FUT5: variants seen among roughly 807,000 people sequenced by gnomAD.
FUT5 encodes the protein fucosyltransferase 5.
FUT5 carries 1 observed loss-of-function variant against 0.8 expected under a neutral mutation model. The ratio of observed to expected loss-of-function variants is 1.26; its 90% confidence interval spans 0.45 to 5.99. FUT5 has a LOEUF of 5.99. FUT5 is among the 30% of genes most tolerant of loss of function. The probability of loss-of-function intolerance (pLI) is 0.15; values close to 1 mark genes in which losing one functional copy is unlikely to be tolerated. For missense variants in FUT5, 437 were observed against 517.8 expected, an observed-to-expected ratio of 0.84 and a Z score of 1.51; for synonymous variants, 212 against 225.7, an observed-to-expected ratio of 0.94 and a Z score of 0.54.
Position 5,866,546 on chromosome 19 carries a change from T to G in FUT5, c.*55A>C. ...ATCCCCCGACTAGTGAGACCCTAGG[T>G]AGGTGAGGCCCTGGGAAAGTGAGGT... On this transcript the variant is annotated 3_prime_UTR_variant, in exon 2 of 2. Coordinates refer to ENST00000588525, the MANE Select transcript of FUT5 (RefSeq NM_002034.2). The surrounding 1 kb of genome is among the most constrained non-coding windows in gnomAD (Gnocchi z 4.9). The G allele has an allele frequency of 6.2e-7, 1 of 1,611,660 alleles. No homozygotes were observed. Among genetic ancestry groups the G allele is most frequent in the Non-Finnish European group, 8.5e-7 (1 of 1,179,358 alleles).
At position 5,866,458 on chromosome 19, in the gene FUT5, GCCCCAGGCAGGTGAGA is replaced by G. The variant is rs1049748140; in HGVS notation, c.*127_*142del. 27 of 1,303,800 alleles carry G rather than the reference GCCCCAGGCAGGTGAGA, an allele frequency of 2.1e-5. No individual in the cohort carries two copies. Among genetic ancestry groups the G allele is most frequent in the African/African-American group, 1.4e-4 (10 of 69,044 alleles). The allele number at this position is 1,303,800 out of a possible 1,614,324, so 80.8% of individuals were successfully genotyped here. ...GCCACCAAAGACTCCAGCAGGTGAGGCCCCAGGCAGGTGAGACCCCAGGCAGCCGAGGCCCCAGGCA... is the reference window on the plus strand; with the variant it reads ...GCCACCAAAGACTCCAGCAGGTGAGGCCCCAGGCAGCCGAGGCCCCAGGCA... On this transcript the variant is annotated 3_prime_UTR_variant, in exon 2 of 2. Transcript: ENST00000588525. This position sits in a 1 kb window ranked among gnomAD's most constrained non-coding sequence, Gnocchi z 4.9.
In FUT5 at chr19:5,867,028, T is replaced by C; in HGVS notation, c.698A>G (p.Asp233Gly). The C allele has an allele frequency of 3.1e-6, 5 of 1,613,492 alleles. No homozygotes were observed. Among genetic ancestry groups the C allele is most frequent in the Non-Finnish European group, 4.2e-6 (5 of 1,179,804 alleles). Reference sequence around the variant, plus strand: ...GGGCTTGTGGGAGCGTCCGTACACGTCCACCTTGAGATGAGCCTGCAGGCT... The same window carrying C: ...GGGCTTGTGGGAGCGTCCGTACACGCCCACCTTGAGATGAGCCTGCAGGCT... ...YQSLQAHLKV[D>G]VYGRSHKPLP... is the part of the protein sequence containing the mutation. The change falls in exon 2 of 2, where the codon GAC (aspartate) becomes GGC (glycine). Residue 233 changes from aspartate to glycine, a missense_variant. Physicochemically the swap from Asp to Gly is moderately conservative, Grantham distance 94. Transcript: ENST00000588525. The surrounding 1 kb of genome is among the most constrained non-coding windows in gnomAD (Gnocchi z 5.0).
chr19:5,868,961 C>T (rs1296992732), intron 1 of FUT5, among the ~76,000 whole-genome samples: 1 of 152,128 alleles, frequency 6.6e-6, no homozygotes, highest in Non-Finnish European at 1.5e-5. Context: ...GCTGGGATTA[C>T]AGGCAAGCGC....
intron 1 of FUT5, among the ~76,000 whole-genome samples, chr19:5,869,671 C>G (rs905363093): frequency 2.6e-5 from 4 of 152,018 alleles, no homozygotes; most frequent in Admixed American, 1.3e-4. Context: ...AATTTCCATA[C>G]GATTGTTATT....
chr19:5,868,359 G>A (rs2057512846), intron 1 of FUT5, among the ~76,000 whole-genome samples: 1 of 152,136 alleles, frequency 6.6e-6, no homozygotes, highest in Non-Finnish European at 1.5e-5. Flanking sequence ...AGGGCCCTCA[G>A]AGTGTAGGCA....
In FUT5 at chr19:5,867,821, AT is replaced by A; in HGVS notation, c.-12-85del. The A allele has an allele frequency of 7.1e-7, 1 of 1,416,422 alleles. No individual in the cohort carries two copies. The highest frequency in any genetic ancestry group is 9.9e-7 in the Non-Finnish European group (1 of 1,007,328). The allele number at this position is 1,416,422 out of a possible 1,614,324, so 87.7% of individuals were successfully genotyped here. A position where few individuals can be genotyped will look rare whatever the true frequency, so the allele number is the denominator to read the frequency against. On this transcript the variant is annotated intron_variant, in intron 1 of 1. Coordinates refer to ENST00000588525, the MANE Select transcript of FUT5 (RefSeq NM_002034.2). The surrounding 1 kb of genome is among the most constrained non-coding windows in gnomAD (Gnocchi z 5.0). ...ACGTGTCCTGAGAGAAGCTGTTATA[AT>A]TTATGACACAGCTTGTCATAAATGC...
Position 5,867,558 on chromosome 19 carries a change from G to A in FUT5, c.168C>T (p.Thr56=), listed in dbSNP as rs138074178. The change falls in exon 2 of 2, where the codon ACC becomes ACT. Residue 56 remains threonine (T), a synonymous_variant. Coordinates refer to ENST00000588525, the MANE Select transcript of FUT5 (RefSeq NM_002034.2). This position sits in a 1 kb window ranked among gnomAD's most constrained non-coding sequence, Gnocchi z 5.0. ...GGCAGCGGGACCCATTGGGAGCCCC[G>A]GTGACAGGTTCCACTGCCATAAGCC... ...RPGLMAVEPV[T]GAPNGSRCQD... is the part of the protein sequence containing the mutation. The A allele has an allele frequency of 8.5e-5, 137 of 1,613,510 alleles. No individual in the cohort carries two copies. The East Asian group carries it at 2.0e-3, about 24-fold the overall frequency.
At chr19:5,868,600 C>T (rs1365671609) in intron 1 of FUT5, among the ~76,000 whole-genome samples, 1 of 152,116 alleles carries the variant, frequency 6.6e-6, no homozygotes, top group Non-Finnish European at 1.5e-5. Context: ...TTTGGGAGGC[C>T]AAGGCGGGCA....
Position 5,867,094 on chromosome 19 carries a change from G to C in FUT5, c.632C>G (p.Ser211Cys). The part of the protein sequence containing the change: ...AKTELVAWAV[S>C]NWKPDSARVR... ...CCTGGCCGAGTCCGGCTTCCAGTTG[G>C]ACACCGCCCAGGCCACCAGCTCGGT... Residue 211 changes from serine (S) to cysteine (C), a missense_variant, in exon 2 of 2, where the codon TCC (serine) becomes TGC (cysteine). Coordinates refer to ENST00000588525, the MANE Select transcript of FUT5 (RefSeq NM_002034.2). The surrounding 1 kb of genome is among the most constrained non-coding windows in gnomAD (Gnocchi z 5.0). 1.2e-6 allele frequency: 2 copies of C among 1,613,426 alleles called. No individual in the cohort carries two copies. The highest frequency in any genetic ancestry group is 1.7e-6 in the Non-Finnish European group (2 of 1,179,914).
Position 5,865,861 on chromosome 19 carries a change from C to T in FUT5, c.*740G>A, listed in dbSNP as rs2057501043. ...AACAGCATTATCTGTTTGCACCCCTCATGGGTGGTTAACAACAGCAATAAA... is the reference window on the plus strand; with the variant it reads ...AACAGCATTATCTGTTTGCACCCCTTATGGGTGGTTAACAACAGCAATAAA... On this transcript the variant is annotated 3_prime_UTR_variant, in exon 2 of 2. Transcript: ENST00000588525. 6.3e-6 allele frequency: 1 copy of T among 158,988 alleles called. No homozygotes were observed. Among genetic ancestry groups the T allele is most frequent in the African/African-American group, 2.4e-5 (1 of 41,490 alleles). The allele number at this position is 158,988 out of a possible 1,614,324, so 9.8% of individuals were successfully genotyped here. A position where few individuals can be genotyped will look rare whatever the true frequency, so the allele number is the denominator to read the frequency against.
At position 5,867,696 on chromosome 19, in the gene FUT5, CTG is replaced by C. The variant is rs1171522714; in HGVS notation, c.28_29del (p.Gln10ValfsTer36). On this transcript the variant is annotated frameshift_variant, in exon 2 of 2. Coordinates refer to ENST00000588525, the MANE Select transcript of FUT5 (RefSeq NM_002034.2). LOFTEE classifies it low-confidence loss of function (END_TRUNC). The surrounding 1 kb of genome is among the most constrained non-coding windows in gnomAD (Gnocchi z 5.0). ...CGGCCAGACAGCGGCGCCACAGCCA[CTG>C]TGGCTTGGCTGGGCCCAGGGGATCC... is the stretch of plus-strand genomic sequence containing the variant. MDPLGPAKP[Q>X]WLWRRCLAGL... The C allele has an allele frequency of 6.2e-7, 1 of 1,613,354 alleles. No homozygotes were observed.
Position 5,867,827 on chromosome 19 carries a change from G to A in FUT5, c.-12-90C>T. 1 of 1,372,212 alleles carries A rather than the reference G, an allele frequency of 7.3e-7. No homozygotes were observed. Among genetic ancestry groups the A allele is most frequent in the Non-Finnish European group, 1.0e-6 (1 of 970,566 alleles). The allele number at this position is 1,372,212 out of a possible 1,614,324, so 85.0% of individuals were successfully genotyped here. ...CCTGAGAGAAGCTGTTATAATTTATGACACAGCTTGTCATAAATGCCCCCA... is the reference window on the plus strand; with the variant it reads ...CCTGAGAGAAGCTGTTATAATTTATAACACAGCTTGTCATAAATGCCCCCA... On this transcript the variant is annotated intron_variant, in intron 1 of 1. Transcript: ENST00000588525. This position sits in a 1 kb window ranked among gnomAD's most constrained non-coding sequence, Gnocchi z 5.0.
At position 5,866,292 on chromosome 19, in the gene FUT5, G is replaced by C; in HGVS notation, c.*309C>G. 1 of 519,846 alleles carries C rather than the reference G, an allele frequency of 1.9e-6. No homozygotes were observed. 32.2% of individuals were successfully genotyped at this position (519,846 alleles called of 1,614,324 possible). A position where few individuals can be genotyped will look rare whatever the true frequency, so the allele number is the denominator to read the frequency against. ...CCAGCAGGTAAAGTCCCCAACAGCC[G>C]AGATCCTCAGTAGGTGCAGCCTCCA... On this transcript the variant is annotated 3_prime_UTR_variant, in exon 2 of 2. Coordinates refer to ENST00000588525, the MANE Select transcript of FUT5 (RefSeq NM_002034.2). The surrounding 1 kb of genome is among the most constrained non-coding windows in gnomAD (Gnocchi z 4.9).
chr19:5,867,040 T>A lies in FUT5; in HGVS notation c.686A>T (p.His229Leu). Residue 229 changes from histidine (H) to leucine (L), a missense_variant, in exon 2 of 2, where the codon CAT (histidine) becomes CTT (leucine). By Grantham distance (99) the His-to-Leu change is moderately conservative (BLOSUM62 -3). This residue lies in a region of FUT5 where 176 missense variants were observed against 275.2 expected (regional missense o/e 0.64). Coordinates refer to ENST00000588525, the MANE Select transcript of FUT5 (RefSeq NM_002034.2). The surrounding 1 kb of genome is among the most constrained non-coding windows in gnomAD (Gnocchi z 5.0). ...RVRYYQSLQA[H>L]LKVDVYGRSH... Reference sequence around the variant, plus strand: ...GCGTCCGTACACGTCCACCTTGAGATGAGCCTGCAGGCTCTGGTAGTAGCG... The same window carrying A: ...GCGTCCGTACACGTCCACCTTGAGAAGAGCCTGCAGGCTCTGGTAGTAGCG... 6.2e-7 allele frequency: 1 copy of A among 1,613,530 alleles called. No individual in the cohort carries two copies. Among genetic ancestry groups the A allele is most frequent in the East Asian group, 2.2e-5 (1 of 44,822 alleles).
intron 1 of FUT5, among the ~76,000 whole-genome samples, chr19:5,868,560 C>T (rs1048659024): frequency 1.3e-4 from 20 of 152,136 alleles, no homozygotes; most frequent in African/African-American, 4.6e-4. Flanking sequence ...ATAGGCCAGG[C>T]GTGAGGGCTC....
Position 5,868,719 on chromosome 19 carries a change from C to T in FUT5, c.-12-982G>A, listed in dbSNP as rs1232949874. On this transcript the variant is annotated intron_variant, in intron 1 of 1. Transcript: ENST00000588525. ...GATGTGGTGGTGGTGCCTGTAATCC[C>T]AGCTACTTGGGAGGCTGAGGCAGGA... is the stretch of plus-strand genomic sequence containing the variant. Among the ~76,000 whole-genome samples the T allele has an allele frequency of 2.0e-5, 3 of 152,164 alleles. No individual in the cohort carries two copies. In the East Asian group the frequency reaches 5.8e-4, roughly 29 times the overall value.
At position 5,867,179 on chromosome 19, in the gene FUT5, C is replaced by T. The variant is rs62625020; in HGVS notation, c.547G>A (p.Gly183Ser). 41 of 1,612,378 alleles carry T rather than the reference C, an allele frequency of 2.5e-5. No homozygotes were observed. The highest frequency in any genetic ancestry group is 1.5e-4 in the African/African-American group (11 of 74,946). The change falls in exon 2 of 2, where the codon GGC (glycine) becomes AGC (serine). Residue 183 changes from glycine to serine, a missense_variant. Gly to Ser is a moderately conservative substitution (Grantham distance 56). Around this residue, in one of 2 missense-constraint regions of FUT5, gnomAD observed 176 missense variants for 275.2 expected, o/e 0.64. Transcript: ENST00000588525. This position sits in a 1 kb window ranked among gnomAD's most constrained non-coding sequence, Gnocchi z 5.0. ...TGGCCGGACCACGGCTCCAGCCAGC[C>T]GTAGGGCGTGAAGATGTCGGAGTCG... is the stretch of plus-strand genomic sequence containing the variant. ...RSDSDIFTPY[G>S]WLEPWSGQPA...
In FUT5 at chr19:5,866,954, G is replaced by C. The variant is rs2057505988; in HGVS notation, c.772C>G (p.Leu258Val). 1 of 1,613,542 alleles carries C rather than the reference G, an allele frequency of 6.2e-7. No homozygotes were observed. Among genetic ancestry groups the C allele is most frequent in the Non-Finnish European group, 8.5e-7 (1 of 1,179,826 alleles). The change falls in exon 2 of 2, where the codon CTG (leucine) becomes GTG (valine). Residue 258 changes from leucine to valine, a missense_variant. By Grantham distance (32) the Leu-to-Val change is conservative (BLOSUM62 1). This residue lies in a region of FUT5 where 176 missense variants were observed against 275.2 expected (regional missense o/e 0.64). Transcript: ENST00000588525. The surrounding 1 kb of genome is among the most constrained non-coding windows in gnomAD (Gnocchi z 4.9). The stretch of plus-strand genomic sequence containing the variant: ...GGGTGCAAGGAGTTCTCGAAGGCCA[G>C]ATAGAACTTGTACCGGGACAGCGTC... ...METLSRYKFY[L>V]AFENSLHPDY...
intron 1 of FUT5, among the ~76,000 whole-genome samples, 151 bp downstream of exon 1, chr19:5,870,314 C>G (rs749455240): frequency 6.6e-6 from 1 of 152,098 alleles, no homozygotes; most frequent in Non-Finnish European, 1.5e-5. Context: ...CCAGCAATCT[C>G]CCTCCTAGGT....
Sources: gnomAD v4.1 joint callset for allele counts (sites outside exome capture counted in the v4.1 genomes callset) on GRCh38, gnomAD v4.1.1 for gene constraint, gnomAD v4.1.1 regional missense constraint, Gnocchi (gnomAD v3.1) non-coding constraint, MANE v1.5 for transcripts, NCBI Gene and HGNC (gene_info 2026-07-23, HGNC 2026-07-21) for gene names.